PRAMEF20: variants seen among roughly 807,000 people sequenced by gnomAD.
PRAMEF20 encodes the protein PRAME family member 20/21.
Under a neutral mutation model 32.4 loss-of-function variants are expected in PRAMEF20, and 27 were observed. That is an observed-to-expected ratio of 0.83 (90% CI 0.61 to 1.15). The LOEUF is 1.15. Among genes scored for constraint, PRAMEF20 ranks in the 50% most tolerant of loss-of-function variants. The pLI, the probability that PRAMEF20 is intolerant of heterozygous loss-of-function variation, is 0.00. For synonymous variants in PRAMEF20, 256 were observed against 235.4 expected (o/e 1.09, Z -0.80); for missense variants, 604 against 584.5 (o/e 1.03, Z -0.34).
chr1:13,417,448 C>G (rs1641189002), intron 1 of PRAMEF20, among the ~76,000 whole-genome samples: 1 of 151,722 alleles, frequency 6.6e-6, no homozygotes. Flanking sequence ...GCTAAAAATA[C>G]AAAAATTAGC....
At chr1:13,411,003 G>A in the PRAMEF20 span, among the ~76,000 whole-genome samples, 2 of 151,750 alleles carry the variant, frequency 1.3e-5, no homozygotes, top group East Asian at 1.9e-4. Context: ...GATTACAGCC[G>A]CCTGCCACTA....
upstream of PRAMEF20, among the ~76,000 whole-genome samples, chr1:13,414,796 A>AAC (rs1641148613): frequency 6.6e-6 from 1 of 151,048 alleles, no homozygotes; most frequent in African/African-American, 2.4e-5. Flanking sequence ...CATTCTATGT[A>AAC]ATATATATAT....
chr1:13,413,186 C>T (rs949996383), upstream of PRAMEF20, among the ~76,000 whole-genome samples: 3 of 152,164 alleles, frequency 2.0e-5, no homozygotes, highest in Non-Finnish European at 4.4e-5. Flanking sequence ...TAGTAAAATT[C>T]CATGTTTGTG....
intron 1 of PRAMEF20, among the ~76,000 whole-genome samples, chr1:13,417,112 T>C (rs1160682072): frequency 6.6e-6 from 1 of 151,990 alleles, no homozygotes; most frequent in Non-Finnish European, 1.5e-5. Flanking sequence ...GAGTGAGCGG[T>C]AGCAAGGTTT....
In PRAMEF20 at chr1:13,421,148, A is replaced by T. The variant is rs1641239365; in HGVS notation, c.1318A>T (p.Arg440Ter). The T allele has an allele frequency of 1.2e-6, 2 of 1,613,844 alleles. No homozygotes were observed. Among genetic ancestry groups the T allele is most frequent in the Non-Finnish European group, 1.7e-6 (2 of 1,179,846 alleles). ...CCAACTTGGGGCTGAGCTGATGGGGAGAGTGAGGGCCTTAAGGGAGCCCGA... is the reference window on the plus strand; with the variant it reads ...CCAACTTGGGGCTGAGCTGATGGGGTGAGTGAGGGCCTTAAGGGAGCCCGA... Residue 440 changes from arginine (R) to a stop codon, truncating the protein, a stop_gained, in exon 3 of 3, where the codon AGA becomes TGA. Coordinates refer to ENST00000602960, the Ensembl canonical transcript of PRAMEF20. LOFTEE classifies it high-confidence loss of function.
At chr1:13,418,802 G>C (rs1361760309) in intron 2 of PRAMEF20, 102 bp downstream of exon 3, 1 of 1,582,132 alleles carries the variant, frequency 6.3e-7, no homozygotes, top group Admixed American at 1.7e-5. Context: ...AACAGTAAAG[G>C]GGACACTAGA....
At chr1:13,413,391 A>C (rs1383430068), upstream of PRAMEF20, among the ~76,000 whole-genome samples, 1 of 151,982 alleles carries the variant, frequency 6.6e-6, no homozygotes, top group African/African-American at 2.4e-5. Context: ...TTTTGAGATG[A>C]ATCTAGCCTA....
chr1:13,417,292 T>A (rs1641186801), intron 1 of PRAMEF20, among the ~76,000 whole-genome samples: 2 of 152,060 alleles, frequency 1.3e-5, no homozygotes, highest in African/African-American at 4.8e-5. Context: ...TGGCTACTTT[T>A]AGAATCCTGC....
At chr1:13,419,507 A>C (rs1641219330) in intron 2 of PRAMEF20, among the ~76,000 whole-genome samples, 2 of 150,400 alleles carry the variant, frequency 1.3e-5, no homozygotes, top group African/African-American at 4.9e-5. Flanking sequence ...GTCTCGCTTT[A>C]TTGCCCAGGG....
At chr1:13,415,248 T>G (rs1641157414), upstream of PRAMEF20, among the ~76,000 whole-genome samples, 2 of 151,964 alleles carry the variant, frequency 1.3e-5, no homozygotes, top group African/African-American at 4.8e-5. Flanking sequence ...CCCAGCTAAT[T>G]TTTTTGTATT....
chr1:13,418,702 T>A lies in PRAMEF20; in HGVS notation c.866+2T>A. The A allele has an allele frequency of 1.9e-6, 3 of 1,613,376 alleles. No individual in the cohort carries two copies. The highest frequency in any genetic ancestry group is 2.5e-6 in the Non-Finnish European group (3 of 1,179,862). ...AGGCCACCTGGACCAGATGCTCAGG[T>A]GAGGAAGGGTAGTGAGCTTTCTCTG... On this transcript the variant is annotated splice_donor_variant, in intron 2 of 2. Coordinates refer to ENST00000602960, the Ensembl canonical transcript of PRAMEF20. LOFTEE classifies it high-confidence loss of function.
chr1:13,415,532 G>A (rs1464202886), upstream of PRAMEF20, among the ~76,000 whole-genome samples: 3 of 152,006 alleles, frequency 2.0e-5, no homozygotes, highest in African/African-American at 7.2e-5. Context: ...TGTAATCCCA[G>A]CACTTTGGGA....
At position 13,418,450 on chromosome 1, in the gene PRAMEF20, T is replaced by G. The variant is rs1641207254; in HGVS notation, c.616T>G (p.Cys206Gly). The G allele has an allele frequency of 3.1e-6, 5 of 1,613,810 alleles. 1 individual carries two copies. The African/African-American group carries it at 5.3e-5, about 17-fold the overall frequency. ...CATCCTGAAAACAGTCAACCTAGAC[T>G]GTATCCAGGAGGTGGAAGTGAATTG... The change falls in exon 2 of 3, where the codon TGT becomes GGT. Residue 206 changes from cysteine (C) to glycine (G), a missense_variant. Physicochemically the swap from Cys to Gly is radical, Grantham distance 159 (BLOSUM62 -3). Transcript: ENST00000602960.
intron 2 of PRAMEF20, among the ~76,000 whole-genome samples, chr1:13,419,624 C>A (rs1248460304): frequency 6.6e-6 from 1 of 152,090 alleles, no homozygotes; most frequent in East Asian, 1.9e-4. Flanking sequence ...TGGGGTTTCA[C>A]CATGTTAGCC....
chr1:13,412,174 C>A (rs1306932369), upstream of PRAMEF20, among the ~76,000 whole-genome samples: 1 of 152,184 alleles, frequency 6.6e-6, no homozygotes, highest in Middle Eastern at 3.4e-3. Flanking sequence ...TGAGCCACCA[C>A]ACCAAGTTAA....
At chr1:13,412,567 CAT>C (rs1641124195), upstream of PRAMEF20, among the ~76,000 whole-genome samples, 1 of 152,272 alleles carries the variant, frequency 6.6e-6, no homozygotes, top group South Asian at 2.1e-4. Flanking sequence ...AACATATTCA[CAT>C]GTCGTGGTTT....
chr1:13,417,995 C>G, intron 1 of PRAMEF20, 127 bp from the exon 3 acceptor site: 3 of 1,451,904 alleles, frequency 2.1e-6, no homozygotes, highest in Non-Finnish European at 2.8e-6. Flanking sequence ...AGGATGTTCT[C>G]GATCTCCTGA....
intron 2 of PRAMEF20, among the ~76,000 whole-genome samples, chr1:13,420,023 T>C (rs889801641): frequency 0.019 from 2,868 of 152,246 alleles, 54 homozygotes; most frequent in East Asian, 0.058. Flanking sequence ...GCCTGCAGCC[T>C]GCCCACCCCA....
At chr1:13,421,213 C>T (rs1242744268) in exon 3 of PRAMEF20, 1 of 1,613,778 alleles carries the variant, frequency 6.2e-7, no homozygotes, top group African/African-American at 1.3e-5. Context: ...CTCAGTGTGG[C>T]AACAGGTCAC....
Sources: gnomAD v4.1 joint callset for allele counts (sites outside exome capture counted in the v4.1 genomes callset) on GRCh38, gnomAD v4.1.1 for gene constraint, MANE v1.5 for transcripts, NCBI Gene and HGNC (gene_info 2026-07-23, HGNC 2026-07-21) for gene names.